CABIN1: variants seen among roughly 807,000 people sequenced by gnomAD.
CABIN1 encodes the protein calcineurin-binding protein cabin-1.
Under a neutral mutation model 227.7 loss-of-function variants are expected in CABIN1, and 133 were observed. The observed-to-expected ratio is 0.58, with a 90% CI of 0.51 to 0.67. The LOEUF (loss-of-function observed/expected upper bound fraction) is 0.67, where lower values mean the gene tolerates loss of function less well. Ranked by LOEUF, CABIN1 falls within the 30% of genes least tolerant of loss-of-function variation. The pLI is 0.00. For synonymous variants in CABIN1, 1,086 were observed against 1,155.1 expected, an observed-to-expected ratio of 0.94 and a Z score of 1.21; for missense variants, 2,408 against 2,852.5, an observed-to-expected ratio of 0.84 and a Z score of 3.55.
chr22:24,157,202 C>T (rs1222292895), intron 29 of CABIN1, among the ~76,000 whole-genome samples: 1 of 152,148 alleles, frequency 6.6e-6, no homozygotes, highest in African/African-American at 2.4e-5. Context: ...GGTGTTCAAC[C>T]TGGCCTGCTT....
chr22:24,041,393 T>G, intron 5 of CABIN1, 120 bp downstream of exon 5: 1 of 1,257,630 alleles, frequency 8.0e-7, no homozygotes, highest in Non-Finnish European at 1.1e-6. Flanking sequence ...CAAGCTATAG[T>G]ACCCAAGGCT....
intron 7 of CABIN1, among the ~76,000 whole-genome samples, 181 bp downstream of exon 7, chr22:24,049,401 C>T (rs2147269018): frequency 6.6e-6 from 1 of 152,300 alleles, no homozygotes; most frequent in Non-Finnish European, 1.5e-5. Context: ...TGATCACCCA[C>T]CTCTACCTAA....
At chr22:24,139,564 T>C (rs1470964061) in intron 29 of CABIN1, among the ~76,000 whole-genome samples, 4 of 147,972 alleles carry the variant, frequency 2.7e-5, no homozygotes, top group Non-Finnish European at 6.0e-5. Context: ...AGACTCCGTG[T>C]CAAAAAAAAA....
At chr22:24,098,370 C>T (rs750009231) in intron 26 of CABIN1, 178 bp downstream of exon 26, 12 of 1,368,350 alleles carry the variant, frequency 8.8e-6, no homozygotes, top group Middle Eastern at 2.5e-4. Context: ...CTTGTGCTTC[C>T]GAGACATGCT....
In CABIN1 at chr22:24,061,943, G is replaced by A; in HGVS notation, c.1618-4G>A. 2 of 1,613,046 alleles carry A rather than the reference G, an allele frequency of 1.2e-6. No individual in the cohort carries two copies. On this transcript the variant is annotated splice_polypyrimidine_tract_variant and splice_region_variant and intron_variant, in intron 12 of 36. Coordinates refer to ENST00000263119, the MANE Select transcript of CABIN1 (RefSeq NM_012295.4). Reference sequence around the variant, plus strand: ...TTCTTGACCTTCCTGTGTCTGTCCTGCAGGACATGATGCTGATGTCTCTCT... The same window carrying A: ...TTCTTGACCTTCCTGTGTCTGTCCTACAGGACATGATGCTGATGTCTCTCT...
intron 18 of CABIN1, among the ~76,000 whole-genome samples, chr22:24,073,439 C>T (rs1044897533): frequency 3.9e-5 from 6 of 152,132 alleles, no homozygotes; most frequent in Non-Finnish European, 5.9e-5. Flanking sequence ...AGAGTCATCC[C>T]TATTCCAACT....
intron 18 of CABIN1, among the ~76,000 whole-genome samples, chr22:24,073,520 C>T (rs2040234692): frequency 6.6e-6 from 1 of 152,210 alleles, no homozygotes; most frequent in South Asian, 2.1e-4. Flanking sequence ...ATTTTATTCA[C>T]TGCTCAGAAA....
chr22:24,172,600 G>A (rs2046881799), intron 34 of CABIN1, among the ~76,000 whole-genome samples: 1 of 152,208 alleles, frequency 6.6e-6, no homozygotes, highest in African/African-American at 2.4e-5. Flanking sequence ...CAAAGGTGCG[G>A]GCAGTAGAGG....
At chr22:24,015,295 G>C (rs1399915073) in intron 1 of CABIN1, among the ~76,000 whole-genome samples, 3 of 85,436 alleles carry the variant, frequency 3.5e-5, no homozygotes, top group African/African-American at 1.3e-4. Context: ...AAAAAAAAAA[G>C]AATAGTGTGT....
chr22:24,175,729 G>A (rs905413671), intron 34 of CABIN1: 4 of 341,028 alleles, frequency 1.2e-5, no homozygotes, highest in South Asian at 5.5e-5. Flanking sequence ...TCCTGACCTC[G>A]TTTCTGAATG....
chr22:24,178,492 C>A lies in CABIN1; in HGVS notation c.*296C>A. 1 of 448,484 alleles carries A rather than the reference C, an allele frequency of 2.2e-6. No homozygotes were observed. Among genetic ancestry groups the A allele is most frequent in the Non-Finnish European group, 4.2e-6 (1 of 240,676 alleles). 27.8% of individuals were successfully genotyped at this position (448,484 alleles called of 1,614,324 possible). ...GAAGTGTTGACTTTGTAAATCTGCCCACACCCAGCTGGCCATATCCACCCC... is the reference window on the plus strand; with the variant it reads ...GAAGTGTTGACTTTGTAAATCTGCCAACACCCAGCTGGCCATATCCACCCC... On this transcript the variant is annotated 3_prime_UTR_variant, in exon 37 of 37. Transcript: ENST00000263119.
chr22:24,044,632 A>G (rs1448468629), intron 6 of CABIN1, among the ~76,000 whole-genome samples: 1 of 152,234 alleles, frequency 6.6e-6, no homozygotes, highest in Non-Finnish European at 1.5e-5. Context: ...TGTCTTTAAT[A>G]CTTTGCTTAG....
In CABIN1 at chr22:24,054,961, G is replaced by A. The variant is rs1428671717; in HGVS notation, c.895G>A (p.Asp299Asn). The A allele has an allele frequency of 1.9e-6, 3 of 1,614,110 alleles. No homozygotes were observed. Among genetic ancestry groups the A allele is most frequent in the African/African-American group, 2.7e-5 (2 of 74,936 alleles). The change falls in exon 9 of 37, where the codon GAT (aspartate) becomes AAT (asparagine). Residue 299 changes from aspartate (D) to asparagine (N), a missense_variant. Transcript: ENST00000263119. The part of the protein sequence containing the change: ...PPRPSLGKRI[D>N]LSDYQDPSQP... ...ACGTCCCAGCCTTGGCAAAAGGATT[G>A]ATTTGTCGGACTACCAGGACCCCAG... is the stretch of plus-strand genomic sequence containing the variant.
intron 29 of CABIN1, among the ~76,000 whole-genome samples, chr22:24,155,667 G>A (rs1230398411): frequency 6.6e-6 from 1 of 152,210 alleles, no homozygotes; most frequent in Non-Finnish European, 1.5e-5. Context: ...CTGCCACAGG[G>A]CACTACTGGC....
chr22:24,150,552 G>A (rs1306758096), intron 29 of CABIN1, among the ~76,000 whole-genome samples: 1 of 152,182 alleles, frequency 6.6e-6, no homozygotes, highest in African/African-American at 2.4e-5. Context: ...GTGGAGGCCC[G>A]AGTGCTGTGG....
intron 29 of CABIN1, among the ~76,000 whole-genome samples, chr22:24,149,321 G>C (rs1027142413): frequency 6.8e-6 from 1 of 146,186 alleles, no homozygotes; most frequent in Non-Finnish European, 1.5e-5. Flanking sequence ...GGGTTGACCA[G>C]ACCCACCTCT....
intron 29 of CABIN1, among the ~76,000 whole-genome samples, chr22:24,150,405 A>G (rs2045410656): frequency 6.6e-6 from 1 of 152,184 alleles, no homozygotes; most frequent in Non-Finnish European, 1.5e-5. Context: ...CAAGAGAGGC[A>G]GTTTGCAGCG....
At chr22:24,148,207 G>C (rs186283416) in intron 29 of CABIN1, among the ~76,000 whole-genome samples, 4 of 152,322 alleles carry the variant, frequency 2.6e-5, no homozygotes, top group Admixed American at 2.0e-4. Flanking sequence ...CCAAGCAAGG[G>C]GCCCAGGTGG....
intron 33 of CABIN1, among the ~76,000 whole-genome samples, chr22:24,171,370 G>A (rs911008701): frequency 1.3e-5 from 2 of 152,200 alleles, no homozygotes; most frequent in African/African-American, 4.8e-5. Context: ...CATGCCTAGG[G>A]TCCTGCAGGA....
Sources: gnomAD v4.1 joint callset for allele counts (sites outside exome capture counted in the v4.1 genomes callset) on GRCh38, gnomAD v4.1.1 for gene constraint, MANE v1.5 for transcripts, NCBI Gene and HGNC (gene_info 2026-07-23, HGNC 2026-07-21) for gene names.